The following MCTP1 variants were observed in gnomAD, a reference collection of about 807,000 sequenced individuals.
MCTP1 encodes multiple C2 and transmembrane domain-containing protein 1.
A neutral mutation model predicts 120.6 loss-of-function variants in MCTP1; 69 were observed. That is an observed-to-expected ratio of 0.57 (90% CI 0.47 to 0.70). The LOEUF (loss-of-function observed/expected upper bound fraction) is 0.70. Ranked by LOEUF, MCTP1 falls within the 30% of genes least tolerant of loss-of-function variation. The pLI is 0.00. For synonymous variants in MCTP1, 529 were observed against 493.1 expected (o/e 1.07, Z -0.96); for missense variants, 1,203 against 1,248.8 (o/e 0.96, Z 0.55).
intron 2 of MCTP1, among the ~76,000 whole-genome samples, chr5:94,997,006 G>T (rs954170787): frequency 1.3e-4 from 20 of 152,100 alleles, no homozygotes; most frequent in Non-Finnish European, 2.8e-4. Flanking sequence ...ACTATCTATG[G>T]CTAAGATAAG....
intron 6 of MCTP1, among the ~76,000 whole-genome samples, chr5:94,926,647 ACTGT>A (rs1476237692): frequency 4.6e-5 from 7 of 152,128 alleles, no homozygotes; most frequent in Admixed American, 3.9e-4. Context: ...TTAATAACTA[ACTGT>A]CTGTCTATCC....
chr5:95,012,065 A>G (rs1285165470), intron 2 of MCTP1, among the ~76,000 whole-genome samples: 2 of 152,108 alleles, frequency 1.3e-5, no homozygotes, highest in African/African-American at 4.8e-5. Context: ...ATTCATTGCT[A>G]CTTTGTCATT....
At chr5:95,090,712 G>T (rs569119019) in intron 1 of MCTP1, among the ~76,000 whole-genome samples, 56 of 152,154 alleles carry the variant, frequency 3.7e-4, no homozygotes, top group African/African-American at 1.2e-3. Flanking sequence ...TGGCTGTCCA[G>T]ATTCAACCTG....
At chr5:94,864,420 G>A (rs27572) in intron 17 of MCTP1, among the ~76,000 whole-genome samples, 1 of 151,600 alleles carries the variant, frequency 6.6e-6, no homozygotes, top group Non-Finnish European at 1.5e-5. Context: ...ATCTTAAGAT[G>A]TTTCATTAAA....
At chr5:95,245,609 T>G (rs1015545199) in intron 1 of MCTP1, among the ~76,000 whole-genome samples, 2 of 147,724 alleles carry the variant, frequency 1.4e-5, no homozygotes, top group African/African-American at 5.0e-5. Flanking sequence ...AAATAAAGCA[T>G]GAAGACAAGA....
At chr5:95,217,234 A>G (rs144159738) in intron 1 of MCTP1, among the ~76,000 whole-genome samples, 1,812 of 152,316 alleles carry the variant, frequency 0.012, 16 homozygotes, top group Middle Eastern at 0.051. Context: ...CCTGGAATTT[A>G]ACATTAACAT....
chr5:95,283,983 C>A lies in MCTP1; in HGVS notation c.593G>T (p.Ser198Ile). 6.9e-7 allele frequency: 1 copy of A among 1,450,420 alleles called. No individual in the cohort carries two copies. The highest frequency in any genetic ancestry group is 1.5e-5 in the South Asian group (1 of 68,058). The allele number at this position is 1,450,420 out of a possible 1,614,324, so 89.8% of individuals were successfully genotyped here. ...GCAGGCGGTGCCCGGCAGAGAGGAG[C>A]TCTTCTGGTGGCACAAGTGCGCCCC... ...GPGAHLCHQK[S>I]SSLPGTACLE... Residue 198 changes from serine (S) to isoleucine (I), a missense_variant, in exon 1 of 23, where the codon AGC becomes ATC. Around this residue, in one of 2 missense-constraint regions of MCTP1, gnomAD observed 463 missense variants for 377.8 expected, o/e 1.23. Coordinates refer to ENST00000515393, the MANE Select transcript of MCTP1 (RefSeq NM_024717.7).
intron 2 of MCTP1, among the ~76,000 whole-genome samples, chr5:94,998,178 G>C (rs998584964): frequency 5.3e-5 from 8 of 152,090 alleles, no homozygotes; most frequent in African/African-American, 1.9e-4. Flanking sequence ...TTATGACCAT[G>C]GTCAATTATT....
chr5:95,102,817 C>G (rs1435546274), intron 1 of MCTP1, among the ~76,000 whole-genome samples: 1 of 152,198 alleles, frequency 6.6e-6, no homozygotes, highest in East Asian at 1.9e-4. Flanking sequence ...GCAAAAGTAA[C>G]TAGATGAAGT....
intron 1 of MCTP1, chr5:95,081,722 A>T (rs1218234910): frequency 7.2e-6 from 9 of 1,252,022 alleles, no homozygotes; most frequent in Non-Finnish European, 9.0e-6. Context: ...TCAAACCAGT[A>T]AGGGAAGAGT....
intron 1 of MCTP1, among the ~76,000 whole-genome samples, chr5:95,244,988 A>G (rs1756595444): frequency 6.6e-6 from 1 of 152,190 alleles, no homozygotes; most frequent in South Asian, 2.1e-4. Flanking sequence ...AGGATCAGGC[A>G]GCAATATTAG....
chr5:94,805,334 C>T (rs1782053358), intron 17 of MCTP1, among the ~76,000 whole-genome samples: 1 of 151,910 alleles, frequency 6.6e-6, no homozygotes. Context: ...TAATTTACCA[C>T]AAGGTAAATA....
chr5:95,111,759 C>A (rs375195087), intron 1 of MCTP1, among the ~76,000 whole-genome samples: 11 of 152,074 alleles, frequency 7.2e-5, no homozygotes, highest in African/African-American at 1.7e-4. Context: ...ATATTGAGAC[C>A]AAATAACTAA....
chr5:94,915,932 T>C (rs1388048663), intron 8 of MCTP1, among the ~76,000 whole-genome samples: 1 of 152,070 alleles, frequency 6.6e-6, no homozygotes, highest in East Asian at 1.9e-4. Flanking sequence ...GGGAGCTAAG[T>C]GGGAGGAAGG....
chr5:95,194,047 C>CA (rs1750111405), intron 1 of MCTP1, among the ~76,000 whole-genome samples: 1 of 151,726 alleles, frequency 6.6e-6, no homozygotes, highest in African/African-American at 2.4e-5. Flanking sequence ...CGTGTCTCTA[C>CA]AAAAAAATAA....
chr5:95,094,744 T>C (rs1464543528), intron 1 of MCTP1, among the ~76,000 whole-genome samples: 1 of 152,178 alleles, frequency 6.6e-6, no homozygotes, highest in Non-Finnish European at 1.5e-5. Flanking sequence ...AGTTCTGCTT[T>C]ATCACATGAA....
chr5:95,276,572 A>G (rs1759855524), intron 1 of MCTP1, among the ~76,000 whole-genome samples: 1 of 150,784 alleles, frequency 6.6e-6, no homozygotes, highest in Admixed American at 6.6e-5. Context: ...TGGGATTTTA[A>G]TCTGAGTCAT....
In MCTP1 at chr5:95,160,612, C is replaced by T. The variant is rs548978197; in HGVS notation, c.720+123244G>A. Among the ~76,000 whole-genome samples, 14 of 152,174 alleles carry T rather than the reference C, an allele frequency of 9.2e-5. No individual in the cohort carries two copies. In the South Asian group the frequency reaches 2.3e-3, roughly 25 times the overall value. On this transcript the variant is annotated intron_variant, in intron 1 of 22. Coordinates refer to ENST00000515393, the MANE Select transcript of MCTP1 (RefSeq NM_024717.7). ...AAGCAAAAATAAACAAATGGGATTGCATTAAACTAAAAAGCTTCTGCACAG... is the reference window on the plus strand; with the variant it reads ...AAGCAAAAATAAACAAATGGGATTGTATTAAACTAAAAAGCTTCTGCACAG...
intron 19 of MCTP1, among the ~76,000 whole-genome samples, chr5:94,755,561 T>C (rs1378357822): frequency 2.0e-5 from 3 of 152,162 alleles, no homozygotes; most frequent in African/African-American, 7.2e-5. Context: ...CGTTCATGAC[T>C]TTTTCTTTAG....
Sources: gnomAD v4.1 joint callset for allele counts (sites outside exome capture counted in the v4.1 genomes callset) on GRCh38, gnomAD v4.1.1 for gene constraint, gnomAD v4.1.1 regional missense constraint, MANE v1.5 for transcripts, NCBI Gene and HGNC (gene_info 2026-07-23, HGNC 2026-07-21) for gene names.